CDH13: variants seen among roughly 807,000 people sequenced by gnomAD.
CDH13 encodes cadherin-13.
Under a neutral mutation model 63.8 loss-of-function variants are expected in CDH13, and 24 were observed. The ratio of observed to expected loss-of-function variants is 0.38; its 90% CI spans 0.27 to 0.53. The LOEUF is 0.53. Ranked by LOEUF, CDH13 falls within the 20% of genes least tolerant of loss-of-function variation. The probability of loss-of-function intolerance (pLI) is 0.85; values close to 1 mark genes in which losing one functional copy is unlikely to be tolerated. For synonymous variants in CDH13, 503 were observed against 355.3 expected, an observed-to-expected ratio of 1.42 and a Z score of -4.67; for missense variants, 1,049 against 903.1, an observed-to-expected ratio of 1.16 and a Z score of -2.07.
At chr16:82,999,459 T>TAC (rs1223952292) in intron 2 of CDH13, among the ~76,000 whole-genome samples, 1 of 152,054 alleles carries the variant, frequency 6.6e-6, no homozygotes, top group Non-Finnish European at 1.5e-5. Flanking sequence ...TTTATATATA[T>TAC]AGATATGCCC....
intron 5 of CDH13, among the ~76,000 whole-genome samples, chr16:83,309,105 A>G (rs1235131643): frequency 6.6e-6 from 1 of 151,994 alleles, no homozygotes; most frequent in Non-Finnish European, 1.5e-5. Context: ...ACTCTGTTTT[A>G]TATTCTTTTG....
At chr16:82,844,425 C>T (rs957699717) in intron 1 of CDH13, 2 of 151,790 alleles carry the variant, frequency 1.3e-5, no homozygotes, top group Non-Finnish European at 2.9e-5. Flanking sequence ...CATGGTTAAA[C>T]CGCCTCTCTA....
intron 1 of CDH13, among the ~76,000 whole-genome samples, chr16:82,786,402 C>CA (rs1567532604): frequency 6.7e-6 from 1 of 149,416 alleles, no homozygotes; most frequent in African/African-American, 2.5e-5. Context: ...GGCTTACTTG[C>CA]AATGATCCTT....
At chr16:83,183,388 G>A (rs748065632) in intron 4 of CDH13, among the ~76,000 whole-genome samples, 30 of 152,262 alleles carry the variant, frequency 2.0e-4, no homozygotes, top group Non-Finnish European at 4.1e-4. Flanking sequence ...CCACGCACAC[G>A]ACGTGAAGCC....
intron 1 of CDH13, among the ~76,000 whole-genome samples, chr16:82,738,226 A>T (rs1385946217): frequency 6.6e-5 from 10 of 152,228 alleles, no homozygotes; most frequent in Non-Finnish European, 1.5e-4. Context: ...ATAGCAATAA[A>T]AAAAATCAGT....
rs151100827 is a variant in CDH13, at chr16:83,066,662, G to C, written c.366+34444G>C. On this transcript the variant is annotated intron_variant, in intron 3 of 13. Transcript: ENST00000567109. ...AATCTATTAATTTAAAGAACAGAAT[G>C]ATTATCACATGCATTGAAATACACA... Among the ~76,000 whole-genome samples, 197 of 152,322 alleles carry C rather than the reference G, an allele frequency of 1.3e-3. 1 individual carries two copies. Among genetic ancestry groups the C allele is most frequent in the Middle Eastern group, 0.01 (3 of 294 alleles).
intron 2 of CDH13, among the ~76,000 whole-genome samples, chr16:82,900,367 GC>G (rs1461132863): frequency 1.3e-5 from 2 of 152,110 alleles, no homozygotes; most frequent in Non-Finnish European, 2.9e-5. Context: ...ATGATCTTTG[GC>G]ACAAGAGTTT....
At chr16:83,004,888 G>T (rs1052903738) in intron 2 of CDH13, among the ~76,000 whole-genome samples, 1 of 152,210 alleles carries the variant, frequency 6.6e-6, no homozygotes, top group African/African-American at 2.4e-5. Flanking sequence ...TAGCATGGAT[G>T]GAGATGGCAC....
chr16:82,804,072 A>T (rs1240494405), intron 1 of CDH13, among the ~76,000 whole-genome samples: 1 of 151,372 alleles, frequency 6.6e-6, no homozygotes, highest in Non-Finnish European at 1.5e-5. Flanking sequence ...TACTAAAAAT[A>T]TAAAAATTAG....
intron 3 of CDH13, among the ~76,000 whole-genome samples, chr16:83,056,638 T>C (rs942967997): frequency 1.3e-5 from 2 of 152,212 alleles, no homozygotes; most frequent in South Asian, 2.1e-4. Context: ...CTAATCTATA[T>C]TGAGCCAGGA....
At chr16:82,993,795 A>G (rs188793430) in intron 2 of CDH13, among the ~76,000 whole-genome samples, 7 of 152,286 alleles carry the variant, frequency 4.6e-5, no homozygotes, top group Non-Finnish European at 1.0e-4. Flanking sequence ...GGATCTAACA[A>G]GCAGGTTTTC....
chr16:83,215,177 A>T (rs1442940631), intron 4 of CDH13, among the ~76,000 whole-genome samples: 1 of 127,290 alleles, frequency 7.9e-6, no homozygotes, highest in Non-Finnish European at 1.6e-5. Flanking sequence ...CCCAGATTCA[A>T]GCGATTCTGC....
chr16:83,133,985 G>A (rs775793892), intron 4 of CDH13, among the ~76,000 whole-genome samples: 1 of 152,164 alleles, frequency 6.6e-6, no homozygotes, highest in Non-Finnish European at 1.5e-5. Context: ...CTAGCCATAT[G>A]TATGGCTGAT....
intron 4 of CDH13, among the ~76,000 whole-genome samples, chr16:83,190,141 G>C (rs926722965): frequency 2.0e-5 from 3 of 152,212 alleles, no homozygotes; most frequent in South Asian, 4.1e-4. Context: ...AATACCCCAA[G>C]GAGAATACTG....
intron 6 of CDH13, among the ~76,000 whole-genome samples, chr16:83,354,197 A>T (rs2091011203): frequency 1.3e-5 from 2 of 152,182 alleles, no homozygotes; most frequent in African/African-American, 4.8e-5. Flanking sequence ...CTAGCACAGA[A>T]CGTGCTCACC....
chr16:83,376,808 A>G (rs1324916684), intron 6 of CDH13, among the ~76,000 whole-genome samples: 2 of 152,140 alleles, frequency 1.3e-5, no homozygotes, highest in Non-Finnish European at 2.9e-5. Context: ...TTTGACCAAT[A>G]CAATATGTAG....
chr16:82,834,813 C>T (rs1251638806), intron 1 of CDH13, among the ~76,000 whole-genome samples: 1 of 152,216 alleles, frequency 6.6e-6, no homozygotes, highest in East Asian at 1.9e-4. Context: ...ATCCAGCCTG[C>T]CACTTGTGTG....
At chr16:83,471,510 G>A (rs1007403778) in intron 6 of CDH13, among the ~76,000 whole-genome samples, 37 of 152,166 alleles carry the variant, frequency 2.4e-4, no homozygotes, top group African/African-American at 8.4e-4. Context: ...TTCTGACCTC[G>A]TGATCCACCC....
chr16:83,660,175 T>G (rs549525975), intron 8 of CDH13, among the ~76,000 whole-genome samples: 1 of 152,282 alleles, frequency 6.6e-6, no homozygotes, highest in South Asian at 2.1e-4. Flanking sequence ...TTGGGAGGAT[T>G]CAAGCACATT....
Sources: allele counts gnomAD v4.1 joint callset (sites outside exome capture counted in the v4.1 genomes callset), GRCh38; gene constraint gnomAD v4.1.1; transcripts MANE v1.5; gene names NCBI Gene and HGNC (gene_info 2026-07-23, HGNC 2026-07-21).